NCLN: variants seen among roughly 807,000 people sequenced by gnomAD.
NCLN encodes the protein nicalin.
In NCLN, 34 loss-of-function variants were observed where a neutral mutation model predicts 69.5. The ratio of observed to expected loss-of-function variants is 0.49; its 90% CI spans 0.37 to 0.65. The LOEUF is 0.65. Ranked by LOEUF, NCLN falls within the 30% of genes least tolerant of loss-of-function variation. The probability of loss-of-function intolerance (pLI) is 0.00; values close to 1 mark genes in which losing one functional copy is unlikely to be tolerated. For missense variants in NCLN, 710 were observed against 804.8 expected, an observed-to-expected ratio of 0.88 and a Z score of 1.42; for synonymous variants, 393 against 358.3, an observed-to-expected ratio of 1.10 and a Z score of -1.09.
At chr19:3,187,221 G>A (rs1471243924) in intron 1 of NCLN, among the ~76,000 whole-genome samples, 3 of 152,098 alleles carry the variant, frequency 2.0e-5, no homozygotes, top group African/African-American at 7.2e-5. Flanking sequence ...CTCCCGTCGT[G>A]GCCCTGACCC....
intron 9 of NCLN, 108 bp downstream of exon 9, chr19:3,204,859 A>G (rs1477432708): frequency 2.6e-6 from 3 of 1,172,038 alleles, no homozygotes; most frequent in Non-Finnish European, 3.3e-6. Context: ...GCCCCCACAC[A>G]CAGGCTGCGA....
intron 9 of NCLN, among the ~76,000 whole-genome samples, chr19:3,204,974 C>T (rs1373939117): frequency 2.0e-5 from 3 of 152,162 alleles, no homozygotes; most frequent in East Asian, 3.9e-4. Context: ...GAGGTCGTGG[C>T]CCCATATAGG....
chr19:3,191,203 C>T (rs1271742591), intron 1 of NCLN, among the ~76,000 whole-genome samples: 5 of 151,948 alleles, frequency 3.3e-5, no homozygotes, highest in Admixed American at 3.3e-4. Context: ...GAGCAGGGAC[C>T]CCTGAGCTGC....
intron 4 of NCLN, 40 bp downstream of exon 4, chr19:3,196,317 G>T (rs1192039545): frequency 1.4e-5 from 20 of 1,445,208 alleles, no homozygotes; most frequent in Non-Finnish European, 1.7e-5. Flanking sequence ...CACGTCCCCA[G>T]GGGTTCCTGC....
chr19:3,195,241 T>C (rs1437057196), intron 3 of NCLN, among the ~76,000 whole-genome samples: 3 of 151,680 alleles, frequency 2.0e-5, no homozygotes, highest in Admixed American at 2.0e-4. Context: ...GATCATATCT[T>C]TTTGTTTTGT....
chr19:3,188,299 C>T (rs1237954432), intron 1 of NCLN, among the ~76,000 whole-genome samples: 2 of 151,716 alleles, frequency 1.3e-5, no homozygotes, highest in East Asian at 3.9e-4. Context: ...GTTGGCGGCT[C>T]CCTACACTGT....
intron 10 of NCLN, 29 bp from the exon 11 acceptor site, chr19:3,206,123 C>G: frequency 1.3e-6 from 2 of 1,547,958 alleles, no homozygotes; most frequent in Non-Finnish European, 1.7e-6. Flanking sequence ...GGGGCCTGGA[C>G]TCAGGGCCAT....
chr19:3,196,400 C>A, intron 4 of NCLN, 123 bp downstream of exon 4: 1 of 697,678 alleles, frequency 1.4e-6, no homozygotes, highest in Non-Finnish European at 2.3e-6. Context: ...GGATCGCCCC[C>A]CTGCCTGGCT....
At chr19:3,189,954 C>T (rs1915770647) in intron 1 of NCLN, among the ~76,000 whole-genome samples, 1 of 152,224 alleles carries the variant, frequency 6.6e-6, no homozygotes, top group Admixed American at 6.5e-5. Context: ...GCTGGTGTCC[C>T]CCTCCGTTCC....
intron 1 of NCLN, among the ~76,000 whole-genome samples, chr19:3,189,205 G>C (rs1053471789): frequency 2.0e-5 from 3 of 152,216 alleles, no homozygotes; most frequent in African/African-American, 7.2e-5. Flanking sequence ...TCTCGGCTCG[G>C]TGGCCGTTCA....
intron 5 of NCLN, among the ~76,000 whole-genome samples, 195 bp downstream of exon 5, chr19:3,199,092 G>T (rs1916055313): frequency 6.6e-6 from 1 of 152,212 alleles, no homozygotes; most frequent in Admixed American, 6.5e-5. Flanking sequence ...CCCGGCTCTT[G>T]CCCCGGGGTC....
chr19:3,201,646 GGGGGAT>G lies in NCLN; in HGVS notation c.800+25_800+30del. 2 of 1,502,046 alleles carry G rather than the reference GGGGGAT, an allele frequency of 1.3e-6. No individual in the cohort carries two copies. Among genetic ancestry groups the G allele is most frequent in the Non-Finnish European group, 1.8e-6 (2 of 1,118,598 alleles). 93.0% of individuals were successfully genotyped at this position (1,502,046 alleles called of 1,614,324 possible). A position where few individuals can be genotyped will look rare whatever the true frequency, so the allele number is the denominator to read the frequency against. On this transcript the variant is annotated intron_variant, in intron 6 of 14. Coordinates refer to ENST00000246117, the MANE Select transcript of NCLN (RefSeq NM_020170.4). The stretch of plus-strand genomic sequence containing the variant: ...CGCCGCGTGAGTGCCGGGGTGGGCA[GGGGGAT>G]GGGGGTGCGGGGGCCACACTGCCGG...
At chr19:3,207,099 C>T (rs1916289759) in intron 12 of NCLN, 99 bp from the exon 13 acceptor site, 1 of 1,345,350 alleles carries the variant, frequency 7.4e-7, no homozygotes, top group Non-Finnish European at 1.1e-6. Flanking sequence ...GCTGGGATTG[C>T]AGGTGTGAGC....
At chr19:3,197,769 C>T (rs1007379378) in intron 4 of NCLN, among the ~76,000 whole-genome samples, 4 of 152,108 alleles carry the variant, frequency 2.6e-5, no homozygotes, top group Admixed American at 1.3e-4. Context: ...TACAGGTGCC[C>T]GCCACCACGG....
intron 1 of NCLN, among the ~76,000 whole-genome samples, chr19:3,190,352 C>T (rs1915786174): frequency 6.6e-6 from 1 of 152,192 alleles, no homozygotes; most frequent in Admixed American, 6.5e-5. Context: ...AGCTGGTTCT[C>T]TGTGCCCACC....
chr19:3,187,090 C>T (rs1319088043), intron 1 of NCLN, among the ~76,000 whole-genome samples: 1 of 152,170 alleles, frequency 6.6e-6, no homozygotes, highest in East Asian at 1.9e-4. Context: ...AGCTCAGCCT[C>T]CTCACACCCA....
At position 3,207,225 on chromosome 19, in the gene NCLN, G is replaced by T; in HGVS notation, c.1527G>T (p.Gln509His). 1 of 1,613,822 alleles carries T rather than the reference G, an allele frequency of 6.2e-7. No homozygotes were observed. The highest frequency in any genetic ancestry group is 8.5e-7 in the Non-Finnish European group (1 of 1,180,038). ...KRDPEFVFYD[Q>H]LKQVMNAYRV... ...ACCCAGAGTTTGTCTTCTACGACCA[G>T]CTGAAGCAAGTGATGAATGCGTACA... The change falls in exon 13 of 15, where the codon CAG becomes CAT. Residue 509 changes from glutamine (Q) to histidine (H), a missense_variant. By Grantham distance (24) the Gln-to-His change is conservative. Transcript: ENST00000246117.
chr19:3,194,628 C>T (rs1915910780), intron 3 of NCLN, among the ~76,000 whole-genome samples: 1 of 152,204 alleles, frequency 6.6e-6, no homozygotes, highest in South Asian at 2.1e-4. Flanking sequence ...ACGTTCCCAA[C>T]CCCTGGTTTA....
At chr19:3,198,765 G>A (rs1024390921) in intron 4 of NCLN, 52 bp from the exon 5 acceptor site, 57 of 1,483,998 alleles carry the variant, frequency 3.8e-5, no homozygotes, top group African/African-American at 3.0e-4. Flanking sequence ...CCCCACACAC[G>A]GGTCACCTGC....
Sources: gnomAD v4.1 joint callset for allele counts (sites outside exome capture counted in the v4.1 genomes callset) on GRCh38, gnomAD v4.1.1 for gene constraint, MANE v1.5 for transcripts, NCBI Gene and HGNC (gene_info 2026-07-23, HGNC 2026-07-21) for gene names.